Variants in P3H2 observed in about 807,000 individuals in gnomAD.
P3H2 encodes the protein leprecan-like 1.
In P3H2, 80 loss-of-function variants were observed where a neutral mutation model predicts 87.0. The observed-to-expected ratio is 0.92, with a 90% CI of 0.77 to 1.11. The LOEUF (loss-of-function observed/expected upper bound fraction) is 1.11, where lower values mean the gene tolerates loss of function less well. Among genes scored for constraint, P3H2 ranks in the 50% least tolerant of loss-of-function variants. The pLI is 0.00. For synonymous variants in P3H2, 367 were observed against 359.3 expected, an observed-to-expected ratio of 1.02 and a Z score of -0.24; for missense variants, 1,001 against 923.9, an observed-to-expected ratio of 1.08 and a Z score of -1.08.
intron 1 of P3H2, among the ~76,000 whole-genome samples, chr3:190,113,242 C>G (rs151285818): frequency 6.6e-6 from 1 of 152,310 alleles, no homozygotes; most frequent in East Asian, 1.9e-4. Flanking sequence ...CATTTGCTTT[C>G]CCTTCTTGAT....
chr3:190,046,813 A>C (rs1051773530), intron 1 of P3H2, among the ~76,000 whole-genome samples: 2 of 152,116 alleles, frequency 1.3e-5, no homozygotes, highest in Non-Finnish European at 2.9e-5. Flanking sequence ...AGGGTAATTT[A>C]CCCTATTAAG....
chr3:190,121,328 G>A (rs1712580523), upstream of P3H2, among the ~76,000 whole-genome samples: 1 of 146,958 alleles, frequency 6.8e-6, no homozygotes. Context: ...GTGTATCCCG[G>A]AACGTAAAGT....
At chr3:190,086,685 T>C (rs1560395061) in intron 1 of P3H2, among the ~76,000 whole-genome samples, 1 of 152,172 alleles carries the variant, frequency 6.6e-6, no homozygotes, top group Non-Finnish European at 1.5e-5. Context: ...CCTCAGTTAG[T>C]GCTAGCCCAG....
intron 3 of P3H2, among the ~76,000 whole-genome samples, chr3:189,993,118 A>T (rs3099618): frequency 0.77 from 116,659 of 151,868 alleles, 45,143 homozygotes; most frequent in East Asian, 0.93. Flanking sequence ...AGGTCAGGAG[A>T]TCGAGACCAG....
chr3:190,054,185 A>C (rs1427369887), intron 1 of P3H2, among the ~76,000 whole-genome samples: 4 of 152,170 alleles, frequency 2.6e-5, no homozygotes, highest in African/African-American at 9.6e-5. Flanking sequence ...CCTATAGTTT[A>C]TTTTCTAAAT....
intron 1 of P3H2, among the ~76,000 whole-genome samples, chr3:190,087,364 A>G (rs1031323714): frequency 1.3e-4 from 19 of 151,352 alleles, no homozygotes; most frequent in Admixed American, 3.3e-4. Context: ...GTGAAACCCC[A>G]TCTCTACTAA....
intron 1 of P3H2, among the ~76,000 whole-genome samples, chr3:190,024,414 A>G (rs1052434673): frequency 6.6e-6 from 1 of 151,210 alleles, no homozygotes. Context: ...GCGGTGGCGC[A>G]TGCCTGTAAT....
chr3:190,031,603 C>T (rs1313396097), intron 1 of P3H2, among the ~76,000 whole-genome samples: 3 of 150,998 alleles, frequency 2.0e-5, no homozygotes, highest in Non-Finnish European at 2.9e-5. Flanking sequence ...CACCACTGCA[C>T]TCCAGCCTCT....
intron 12 of P3H2, among the ~76,000 whole-genome samples, chr3:189,971,266 G>C (rs2108907949): frequency 6.6e-6 from 1 of 152,272 alleles, no homozygotes; most frequent in Middle Eastern, 3.4e-3. Flanking sequence ...TGTTTGCTTT[G>C]TTCTTGTTGT....
intron 1 of P3H2, among the ~76,000 whole-genome samples, chr3:190,089,383 A>T (rs1184179293): frequency 6.6e-6 from 1 of 152,242 alleles, no homozygotes; most frequent in Non-Finnish European, 1.5e-5. Context: ...AAAGAGAAAG[A>T]AAATTCATTG....
At position 189,989,085 on chromosome 3, in the gene P3H2, C is replaced by T. The variant is rs1207277425; in HGVS notation, c.824-47G>A. ...GTGTGTTCCTCCAGGTTGCTGAGTG[C>T]CCAAACGTCAACGTCACAGCCACAG... On this transcript the variant is annotated intron_variant, in intron 3 of 14. Coordinates refer to ENST00000319332, the MANE Select transcript of P3H2 (RefSeq NM_018192.4). 3 of 1,611,834 alleles carry T rather than the reference C, an allele frequency of 1.9e-6. No homozygotes were observed. In the African/African-American group the frequency reaches 4.0e-5, roughly 21 times the overall value.
In P3H2 at chr3:190,023,446, C is replaced by T. The variant is rs145551436; in HGVS notation, c.481-28004G>A. ...GGAAACTTACAACCAGGGAGGATGG[C>T]GAAGGGGAAGCAATGAACCTTCTTT... is the stretch of plus-strand genomic sequence containing the variant. On this transcript the variant is annotated intron_variant, in intron 1 of 14. Coordinates refer to ENST00000319332, the MANE Select transcript of P3H2 (RefSeq NM_018192.4). Among the ~76,000 whole-genome samples, 523 of 152,196 alleles carry T rather than the reference C, an allele frequency of 3.4e-3. 4 individuals are homozygous for T. The highest frequency in any genetic ancestry group is 0.012 in the African/African-American group (500 of 41,528).
chr3:190,087,331 T>C (rs930625338), intron 1 of P3H2, among the ~76,000 whole-genome samples: 1 of 151,782 alleles, frequency 6.6e-6, no homozygotes, highest in African/African-American at 2.4e-5. Flanking sequence ...GGTCAGGAGA[T>C]CGAGACCATC....
intron 14 of P3H2, among the ~76,000 whole-genome samples, chr3:189,958,308 C>A (rs1722701563): frequency 6.6e-6 from 1 of 152,158 alleles, no homozygotes; most frequent in Non-Finnish European, 1.5e-5. Flanking sequence ...AAGCTGAATT[C>A]ACCATTTTCT....
intron 7 of P3H2, chr3:189,983,505 C>T (rs574188324): frequency 7.0e-5 from 14 of 198,958 alleles, no homozygotes; most frequent in Admixed American, 2.1e-4. Flanking sequence ...CATTGAACAA[C>T]TGTTGAATTG....
At position 189,964,013 on chromosome 3, in the gene P3H2, C is replaced by T; in HGVS notation, c.1979G>A (p.Gly660Glu). 2.5e-6 allele frequency: 4 copies of T among 1,614,194 alleles called. No homozygotes were observed. Among genetic ancestry groups the T allele is most frequent in the Non-Finnish European group, 3.4e-6 (4 of 1,180,006 alleles). ...CCACAGAGCCACAGCACACCTCTTT[C>T]CCTTGGTGACTGCCTTCACCCCATG... ...NPHGVKAVTK[G>E]KRCAVALWFT... is the part of the protein sequence containing the mutation. The change falls in exon 14 of 15, where the codon GGA (glycine) becomes GAA (glutamate). Residue 660 changes from glycine (G) to glutamate (E), a missense_variant. Coordinates refer to ENST00000319332, the MANE Select transcript of P3H2 (RefSeq NM_018192.4).
intron 1 of P3H2, among the ~76,000 whole-genome samples, chr3:190,006,213 A>G (rs1724382979): frequency 6.6e-6 from 1 of 152,236 alleles, no homozygotes; most frequent in Non-Finnish European, 1.5e-5. Context: ...CATTGATCTT[A>G]TAAATACTAA....
chr3:190,082,180 C>T (rs1329256759), intron 1 of P3H2, among the ~76,000 whole-genome samples: 1 of 152,066 alleles, frequency 6.6e-6, no homozygotes, highest in Admixed American at 6.6e-5. Flanking sequence ...CACCTGAACC[C>T]GGTAGACGGA....
intron 1 of P3H2, among the ~76,000 whole-genome samples, chr3:190,012,207 GGTGTGT>G (rs3062120): frequency 0.44 from 64,251 of 145,424 alleles, 15,070 homozygotes; most frequent in East Asian, 0.57. Flanking sequence ...TGTAGGTAAA[GGTGTGT>G]GTGTGTGTGT....
Sources: allele counts gnomAD v4.1 joint callset (sites outside exome capture counted in the v4.1 genomes callset), GRCh38; gene constraint gnomAD v4.1.1; transcripts MANE v1.5; gene names NCBI Gene and HGNC (gene_info 2026-07-23, HGNC 2026-07-21).